GREB1: variants seen among roughly 807,000 people sequenced by gnomAD.
The protein encoded by GREB1 is growth regulating estrogen receptor binding 1.
GREB1 carries 106 observed loss-of-function variants against 200.7 expected under a neutral mutation model. That is an observed-to-expected ratio of 0.53 (90% CI 0.45 to 0.62). The LOEUF (loss-of-function observed/expected upper bound fraction) is 0.62. Ranked by LOEUF, GREB1 falls within the 20% of genes least tolerant of loss-of-function variation. The pLI, the probability that GREB1 is intolerant of heterozygous loss-of-function variation, is 0.00. For synonymous variants in GREB1, 1,132 were observed against 1,092.4 expected, an observed-to-expected ratio of 1.04 and a Z score of -0.72; for missense variants, 2,243 against 2,556.8, an observed-to-expected ratio of 0.88 and a Z score of 2.65.
chr2:11,622,342 A>G (rs1684080302), intron 23 of GREB1, among the ~76,000 whole-genome samples: 1 of 152,188 alleles, frequency 6.6e-6, no homozygotes, highest in Non-Finnish European at 1.5e-5. Flanking sequence ...CAGCCTCCCA[A>G]AGTTCTGGGA....
chr2:11,533,344 A>G (rs1476840374), upstream of GREB1, among the ~76,000 whole-genome samples: 3 of 152,204 alleles, frequency 2.0e-5, no homozygotes, highest in Non-Finnish European at 2.9e-5. Flanking sequence ...ACAGTACTAA[A>G]TACTCTACTA....
chr2:11,578,502 A>C lies in GREB1; in HGVS notation c.772+71A>C, dbSNP rs1679122329. On this transcript the variant is annotated intron_variant, in intron 6 of 32. Coordinates refer to ENST00000381486, the MANE Select transcript of GREB1 (RefSeq NM_014668.4). The stretch of plus-strand genomic sequence containing the variant: ...GCACTGTCTCCGATGTGTCCGGTTG[A>C]CTATGCCGTCAAGCATTCTTCAAAA... 11 of 1,500,486 alleles carry C rather than the reference A, an allele frequency of 7.3e-6. No homozygotes were observed. In the South Asian group the frequency reaches 1.2e-4, roughly 17 times the overall value. 92.9% of individuals were successfully genotyped at this position (1,500,486 alleles called of 1,614,324 possible). A position where few individuals can be genotyped will look rare whatever the true frequency, so the allele number is the denominator to read the frequency against.
upstream of GREB1, among the ~76,000 whole-genome samples, chr2:11,530,358 G>C (rs115177705): frequency 6.6e-6 from 1 of 151,536 alleles, no homozygotes; most frequent in African/African-American, 2.4e-5. Flanking sequence ...CAGTGCGCCC[G>C]GCCCTAGGTG....
chr2:11,603,128 C>G (rs549378425), intron 17 of GREB1, among the ~76,000 whole-genome samples: 1 of 152,182 alleles, frequency 6.6e-6, no homozygotes, highest in Non-Finnish European at 1.5e-5. Flanking sequence ...GCACAGCCAG[C>G]CCCTTTAACC....
At chr2:11,528,459 T>C (rs761609207) in intron 1 of GREB1, among the ~76,000 whole-genome samples, 1 of 152,202 alleles carries the variant, frequency 6.6e-6, no homozygotes, top group African/African-American at 2.4e-5. Flanking sequence ...AGGTGAGAGA[T>C]TTGAGTCCCC....
At chr2:11,567,208 C>T (rs1677763425) in intron 4 of GREB1, among the ~76,000 whole-genome samples, 2 of 152,058 alleles carry the variant, frequency 1.3e-5, no homozygotes, top group Admixed American at 1.3e-4. Flanking sequence ...CACTGCGACC[C>T]CCACCTCCTG....
At chr2:11,483,664 T>A (rs931125250) in intron 1 of GREB1, among the ~76,000 whole-genome samples, 1 of 143,460 alleles carries the variant, frequency 7.0e-6, no homozygotes, top group Non-Finnish European at 1.5e-5. Context: ...GAACAAAGGC[T>A]GCTTCCCCGA....
intron 11 of GREB1, among the ~76,000 whole-genome samples, chr2:11,593,802 C>T (rs1171868801): frequency 1.3e-5 from 2 of 151,892 alleles, no homozygotes; most frequent in African/African-American, 4.8e-5. Flanking sequence ...CCATTGAGGC[C>T]CCACATGTAC....
intron 6 of GREB1, 72 bp downstream of exon 6, chr2:11,578,503 C>A (rs1679122660): frequency 2.0e-6 from 3 of 1,496,296 alleles, no homozygotes. Flanking sequence ...GTCCGGTTGA[C>A]TATGCCGTCA....
chr2:11,501,921 T>G (rs1208799582), intron 1 of GREB1, among the ~76,000 whole-genome samples: 7 of 117,516 alleles, frequency 6.0e-5, no homozygotes, highest in South Asian at 3.1e-4. Context: ...TTTTTTTTTT[T>G]TTTTTTTTTT....
intron 21 of GREB1, among the ~76,000 whole-genome samples, chr2:11,617,664 C>T (rs553059117): frequency 9.5e-4 from 144 of 152,246 alleles, no homozygotes; most frequent in South Asian, 3.3e-3. Context: ...GGCTCAGGGG[C>T]GAGACGTGCA....
intron 1 of GREB1, among the ~76,000 whole-genome samples, chr2:11,537,244 G>T (rs945324329): frequency 4.6e-5 from 7 of 152,070 alleles, no homozygotes; most frequent in Non-Finnish European, 8.8e-5. Flanking sequence ...GATAACAGTC[G>T]TGAGCCACCG....
intron 2 of GREB1, among the ~76,000 whole-genome samples, chr2:11,559,957 C>T (rs1419461795): frequency 6.6e-6 from 1 of 152,172 alleles, no homozygotes; most frequent in Non-Finnish European, 1.5e-5. Context: ...TCACGCTTCC[C>T]ACCTGCTGGA....
At chr2:11,592,175 A>G in intron 10 of GREB1, 1 of 817,496 alleles carries the variant, frequency 1.2e-6, no homozygotes, top group Non-Finnish European at 1.5e-6. Flanking sequence ...TTGGCTTCCT[A>G]CTTTTTTTTT....
chr2:11,526,426 A>G (rs922444228), intron 1 of GREB1, among the ~76,000 whole-genome samples: 1 of 152,100 alleles, frequency 6.6e-6, no homozygotes, highest in Non-Finnish European at 1.5e-5. Flanking sequence ...TAGTTTTCTC[A>G]TTAGTAAAAC....
Position 11,600,785 on chromosome 2 carries a change from C to G in GREB1, c.2334-15C>G, listed in dbSNP as rs1289334958. The G allele has an allele frequency of 1.0e-5, 16 of 1,601,094 alleles. No individual in the cohort carries two copies. Among genetic ancestry groups the G allele is most frequent in the Non-Finnish European group, 1.3e-5 (15 of 1,168,846 alleles). On this transcript the variant is annotated splice_polypyrimidine_tract_variant and intron_variant, in intron 15 of 32. Transcript: ENST00000381486. ...AATATAGTAATTCCACTGATTGTGT[C>G]TTCTCCTCCCTCAGTAGCACTGTTC... is the stretch of plus-strand genomic sequence containing the variant.
chr2:11,535,486 A>G (rs931740492), intron 1 of GREB1, among the ~76,000 whole-genome samples: 6 of 152,086 alleles, frequency 3.9e-5, no homozygotes, highest in African/African-American at 1.2e-4. Context: ...TTCTCATACC[A>G]TAATCTAAAT....
At chr2:11,561,197 G>A (rs1196854397) in intron 2 of GREB1, 2 of 151,978 alleles carry the variant, frequency 1.3e-5, no homozygotes, top group Non-Finnish European at 2.9e-5. Context: ...TTCCTACATT[G>A]CTTCTCGGCC....
At chr2:11,567,597 G>A (rs1677802475) in intron 4 of GREB1, among the ~76,000 whole-genome samples, 1 of 152,180 alleles carries the variant, frequency 6.6e-6, no homozygotes, top group African/African-American at 2.4e-5. Flanking sequence ...CAAGGTCAAG[G>A]TGGGGGAGCC....
Sources: allele counts gnomAD v4.1 joint callset (sites outside exome capture counted in the v4.1 genomes callset), GRCh38; gene constraint gnomAD v4.1.1; transcripts MANE v1.5; gene names NCBI Gene and HGNC (gene_info 2026-07-23, HGNC 2026-07-21).